RRP36: variants seen among roughly 807,000 people sequenced by gnomAD.
The protein encoded by RRP36 is ribosomal RNA processing 36.
In RRP36, 44 loss-of-function variants were observed where a neutral mutation model predicts 39.8. The observed-to-expected ratio is 1.10, with a 90% CI of 0.87 to 1.42. RRP36 has a LOEUF of 1.42. Among genes scored for constraint, RRP36 ranks in the 40% most tolerant of loss-of-function variants. RRP36 has a pLI of 0.00. For missense variants in RRP36, 316 were observed against 322.4 expected, an observed-to-expected ratio of 0.98 and a Z score of 0.15; for synonymous variants, 124 against 123.1, an observed-to-expected ratio of 1.01 and a Z score of -0.05.
rs757590627 is a variant in RRP36 at position 43,029,120 on chromosome 6, G to C, written c.672G>C (p.Glu224Asp). The change falls in exon 7 of 7, where the codon GAG becomes GAC. Residue 224 changes from glutamate (E) to aspartate (D), a missense_variant. Transcript: ENST00000244496. ...AGCAGCGCCAGTTGGCACTAGCTGA[G>C]AAGTTCAAGGAGCTGAAACGCAGCA... The part of the protein sequence containing the change: ...KSEQRQLALA[E>D]KFKELKRSKK... 37 of 1,614,134 alleles carry C rather than the reference G, an allele frequency of 2.3e-5. No individual in the cohort carries two copies. Among genetic ancestry groups the C allele is most frequent in the Non-Finnish European group, 3.0e-5 (35 of 1,180,052 alleles).
At position 43,027,444 on chromosome 6, in the gene RRP36, C is replaced by T. The variant is rs1306591350; in HGVS notation, c.610C>T (p.Gln204Ter). The part of the protein sequence containing the change: ...ALKQERRAQA[Q>*]QGHRPYFLKK... ...GAAGCAAGAACGTCGGGCTCAGGCC[C>T]AGCAGGGCCATCGGCCATACTTCCT... Residue 204 changes from glutamine (Q) to a stop codon, truncating the protein, a stop_gained, in exon 6 of 7, where the codon CAG becomes TAG. Transcript: ENST00000244496. LOFTEE classifies it high-confidence loss of function. 6.2e-7 allele frequency: 1 copy of T among 1,614,014 alleles called. No individual in the cohort carries two copies. Among genetic ancestry groups the T allele is most frequent in the Non-Finnish European group, 8.5e-7 (1 of 1,180,016 alleles).
At chr6:43,027,593 T>A (rs548845074) in intron 6 of RRP36, 116 bp downstream of exon 6, 14 of 821,478 alleles carry the variant, frequency 1.7e-5, no homozygotes, top group African/African-American at 8.6e-5. Flanking sequence ...CTGGATCCCA[T>A]GGTAACTTGG....
rs1330724262 is a variant in RRP36 at position 43,027,467 on chromosome 6, C to A, written c.633C>A (p.Phe211Leu). 1 of 1,613,264 alleles carries A rather than the reference C, an allele frequency of 6.2e-7. No homozygotes were observed. Residue 211 changes from phenylalanine to leucine, a missense_variant, in exon 6 of 7, where the codon TTC becomes TTA. Physicochemically the swap from Phe to Leu is conservative, Grantham distance 22. Coordinates refer to ENST00000244496, the MANE Select transcript of RRP36 (RefSeq NM_033112.4). ...CCCAGCAGGGCCATCGGCCATACTT[C>A]CTGAAAAAATGTGAGTTGGGCACAA... ...AQAQQGHRPY[F>L]LKKSEQRQLA... is the part of the protein sequence containing the mutation.
At position 43,021,735 on chromosome 6, in the gene RRP36, G is replaced by C; in HGVS notation, c.81G>C (p.Glu27Asp). ...RRPRGARDRE[E>D]DGGGLEPAAV... ...CCCGCGGGGCCCGGGACCGCGAGGAGGACGGCGGGGGCCTGGAGCCCGCGG... is the reference window on the plus strand; with the variant it reads ...CCCGCGGGGCCCGGGACCGCGAGGACGACGGCGGGGGCCTGGAGCCCGCGG... Residue 27 changes from glutamate to aspartate, a missense_variant, in exon 1 of 7, where the codon GAG (glutamate) becomes GAC (aspartate). Coordinates refer to ENST00000244496, the MANE Select transcript of RRP36 (RefSeq NM_033112.4). 1 of 1,228,468 alleles carries C rather than the reference G, an allele frequency of 8.1e-7. No individual in the cohort carries two copies. Among genetic ancestry groups the C allele is most frequent in the Non-Finnish European group, 1.0e-6 (1 of 985,044 alleles). The allele number at this position is 1,228,468 out of a possible 1,614,324, so 76.1% of individuals were successfully genotyped here.
chr6:43,027,761 CTACACA>C (rs1762842373), intron 6 of RRP36, among the ~76,000 whole-genome samples: 1 of 75,906 alleles, frequency 1.3e-5, no homozygotes, highest in East Asian at 3.3e-4. Flanking sequence ...TTGGTCTACA[CTACACA>C]CACACACACA....
rs59990489 is a variant in RRP36, at chr6:43,024,986, C to T, written c.132C>T (p.Gly44=). 29 of 1,613,552 alleles carry T rather than the reference C, an allele frequency of 1.8e-5. No individual in the cohort carries two copies. The highest frequency in any genetic ancestry group is 2.5e-5 in the Non-Finnish European group (29 of 1,180,024). Residue 44 remains glycine (G), a splice_region_variant and synonymous_variant, in exon 2 of 7, where the codon GGC becomes GGT. Transcript: ENST00000244496. Reference sequence around the variant, plus strand: ...GTATGTCCCTCCCCACTTCCACAGGCACATCTAACATGTCATTTGAGGAGC... The same window carrying T: ...GTATGTCCCTCCCCACTTCCACAGGTACATCTAACATGTCATTTGAGGAGC... The part of the protein sequence containing the change: ...PAAVARDLLR[G]TSNMSFEELL...
In RRP36 at chr6:43,021,662, G is replaced by T; in HGVS notation, c.8G>T (p.Gly3Val). 1.6e-6 allele frequency: 2 copies of T among 1,277,446 alleles called. No homozygotes were observed. Among genetic ancestry groups the T allele is most frequent in the South Asian group, 3.2e-5 (1 of 30,886 alleles). The allele number at this position is 1,277,446 out of a possible 1,614,324, so 79.1% of individuals were successfully genotyped here. Residue 3 changes from glycine to valine, a missense_variant, in exon 1 of 7, where the codon GGA becomes GTA. Physicochemically the swap from Gly to Val is moderately radical, Grantham distance 109 (BLOSUM62 -3). Transcript: ENST00000244496. MPGANYRAGAGAG... is the reference protein window; with the variant it reads MPVANYRAGAGAG... The stretch of plus-strand genomic sequence containing the variant: ...GAGCGCTACTGCCAGCTGATGCCGG[G>T]AGCTAACTACCGCGCCGGGGCCGGG...
Position 43,029,029 on chromosome 6 carries a change from G to C in RRP36, c.644-63G>C. On this transcript the variant is annotated intron_variant, in intron 6 of 6. Transcript: ENST00000244496. The stretch of plus-strand genomic sequence containing the variant: ...CATAATGGCTTGGAGTTACTGACCT[G>C]GTTTGGGAAAGAATAGGGGCTTCCT... The C allele has an allele frequency of 1.9e-6, 3 of 1,601,000 alleles. No individual in the cohort carries two copies. In the East Asian group the frequency reaches 6.7e-5, roughly 36 times the overall value.
chr6:43,027,418 TGA>T lies in RRP36; in HGVS notation c.585_586del (p.Lys196AlafsTer20), dbSNP rs1762833438. On this transcript the variant is annotated frameshift_variant, in exon 6 of 7. Transcript: ENST00000244496. LOFTEE classifies it high-confidence loss of function. ...CAACAGCAGGAGCTGCACCTGGCCC[TGA>T]AGCAAGAACGTCGGGCTCAGGCCCA... The T allele has an allele frequency of 6.2e-7, 1 of 1,614,062 alleles. No individual in the cohort carries two copies. Among genetic ancestry groups the T allele is most frequent in the Non-Finnish European group, 8.5e-7 (1 of 1,180,038 alleles).
In RRP36 at chr6:43,029,219, C is replaced by T. The variant is rs1561864706; in HGVS notation, c.771C>T (p.Ser257=). 6.2e-7 allele frequency: 1 copy of T among 1,614,168 alleles called. No homozygotes were observed. Among genetic ancestry groups the T allele is most frequent in the South Asian group, 1.1e-5 (1 of 91,082 alleles). ...AGGACAGGAGACATCTCCCTTTGAG[C>T]AAAGAGTAATAAGGAACTATCCTCT... is the stretch of plus-strand genomic sequence containing the variant. ...AGKDRRHLPL[S]KE is the part of the protein sequence containing the mutation. Residue 257 remains serine, a synonymous_variant, in exon 7 of 7, where the codon AGC becomes AGT. Coordinates refer to ENST00000244496, the MANE Select transcript of RRP36 (RefSeq NM_033112.4).
In RRP36 at chr6:43,021,906, G is replaced by A. The variant is rs368217933; in HGVS notation, c.130+122G>A. ...TCTAAGAGGCAGACGCTACACTAGGGGTGCCCCCAGTGCAGTGGAAAGTGG... is the reference window on the plus strand; with the variant it reads ...TCTAAGAGGCAGACGCTACACTAGGAGTGCCCCCAGTGCAGTGGAAAGTGG... On this transcript the variant is annotated intron_variant, in intron 1 of 6. Coordinates refer to ENST00000244496, the MANE Select transcript of RRP36 (RefSeq NM_033112.4). 2.8e-5 allele frequency: 20 copies of A among 705,974 alleles called. No individual in the cohort carries two copies. In the African/African-American group the frequency reaches 3.4e-4, roughly 12 times the overall value. 43.7% of individuals were successfully genotyped at this position (705,974 alleles called of 1,614,324 possible).
chr6:43,029,047 G>A (rs916866982), intron 6 of RRP36, 45 bp from the exon 7 acceptor site: 3 of 1,610,506 alleles, frequency 1.9e-6, no homozygotes, highest in African/African-American at 2.7e-5. Context: ...AAAGAATAGG[G>A]GCTTCCTTCT....
At chr6:43,026,870 C>T (rs1762820191) in intron 4 of RRP36, among the ~76,000 whole-genome samples, 1 of 151,288 alleles carries the variant, frequency 6.6e-6, no homozygotes, top group Non-Finnish European at 1.5e-5. Flanking sequence ...CAAGATCATC[C>T]TGGCCAACAT....
rs1187538698 is a variant in RRP36, at chr6:43,021,767, C to A, written c.113C>A (p.Ala38Asp). ...DGGGLEPAAV[A>D]RDLLRGTSNM... ...GGGGGCCTGGAGCCCGCGGCCGTGG[C>A]CCGCGACCTATTGAGGGGTGAGGGC... Residue 38 changes from alanine (A) to aspartate (D), a missense_variant, in exon 1 of 7, where the codon GCC becomes GAC. Physicochemically the swap from Ala to Asp is moderately radical, Grantham distance 126. Coordinates refer to ENST00000244496, the MANE Select transcript of RRP36 (RefSeq NM_033112.4). 1.6e-6 allele frequency: 2 copies of A among 1,220,810 alleles called. No individual in the cohort carries two copies. The highest frequency in any genetic ancestry group is 2.0e-6 in the Non-Finnish European group (2 of 980,410). The allele number at this position is 1,220,810 out of a possible 1,614,324, so 75.6% of individuals were successfully genotyped here.
chr6:43,027,541 G>A, intron 6 of RRP36, 64 bp downstream of exon 6: 1 of 1,315,938 alleles, frequency 7.6e-7, no homozygotes, highest in African/African-American at 1.5e-5. Context: ...GTAGAGTCTT[G>A]TGTTGGGGTG....
intron 3 of RRP36, among the ~76,000 whole-genome samples, 160 bp downstream of exon 3, chr6:43,025,489 G>A (rs1762795436): frequency 6.6e-6 from 1 of 151,894 alleles, no homozygotes; most frequent in African/African-American, 2.4e-5. Context: ...TGGGCATGGT[G>A]GTGTGTGCCT....
chr6:43,028,730 C>T (rs1366315428), intron 6 of RRP36, among the ~76,000 whole-genome samples: 1 of 151,050 alleles, frequency 6.6e-6, no homozygotes, highest in Non-Finnish European at 1.5e-5. Context: ...GAGAGCGGAT[C>T]ACCTGAGGTC....
chr6:43,025,129 A>T lies in RRP36; in HGVS notation c.275A>T (p.His92Leu), dbSNP rs1207972132. 6.2e-7 allele frequency: 1 copy of T among 1,614,080 alleles called. No homozygotes were observed. The highest frequency in any genetic ancestry group is 1.3e-5 in the African/African-American group (1 of 74,932). The change falls in exon 2 of 7, where the codon CAC (histidine) becomes CTC (leucine). Residue 92 changes from histidine to leucine, a missense_variant. Physicochemically the swap from His to Leu is moderately conservative, Grantham distance 99. Transcript: ENST00000244496. ...PIQNACVADK[H>L]RPLEMSAKIR... ...CAAAATGCATGTGTTGCAGATAAGC[A>T]CAGGTAAGCAAGGCTTGCCCTAGAA...
At chr6:43,024,684 G>T (rs60370988) in intron 1 of RRP36, among the ~76,000 whole-genome samples, 3,608 of 152,152 alleles carry the variant, frequency 0.024, 143 homozygotes, top group African/African-American at 0.081. Flanking sequence ...ATGCCCTTCT[G>T]GGGAAACCTG....
Sources: allele counts gnomAD v4.1 joint callset (sites outside exome capture counted in the v4.1 genomes callset), GRCh38; gene constraint gnomAD v4.1.1; transcripts MANE v1.5; gene names NCBI Gene and HGNC (gene_info 2026-07-23, HGNC 2026-07-21).